Variants in WWOX observed in about 807,000 individuals in gnomAD.
The protein encoded by WWOX is WW domain-containing oxidoreductase.
In WWOX, 69 loss-of-function variants were observed where a neutral mutation model predicts 46.2. That is an observed-to-expected ratio of 1.49 (90% CI 1.23 to 1.82). WWOX has a LOEUF of 1.82. Ranked by LOEUF, WWOX falls within the 40% of genes most tolerant of loss-of-function variation. The probability of loss-of-function intolerance (pLI) is 0.00; values close to 1 mark genes in which losing one functional copy is unlikely to be tolerated. For synonymous variants in WWOX, 359 were observed against 202.6 expected (o/e 1.77, Z -6.56); for missense variants, 919 against 542.6 (o/e 1.69, Z -6.89).
intron 8 of WWOX, among the ~76,000 whole-genome samples, chr16:78,846,846 C>G (rs1409798075): frequency 6.6e-6 from 1 of 152,118 alleles, no homozygotes; most frequent in Non-Finnish European, 1.5e-5. Context: ...TTCTGTCATG[C>G]CTTCTATTTT....
intron 8 of WWOX, among the ~76,000 whole-genome samples, chr16:78,818,694 C>G (rs553509858): frequency 1.3e-5 from 2 of 152,336 alleles, no homozygotes; most frequent in Admixed American, 1.3e-4. Flanking sequence ...TGCCACAGGA[C>G]TATAGCCTGG....
At chr16:78,263,662 G>T (rs1351207824) in intron 5 of WWOX, among the ~76,000 whole-genome samples, 1 of 152,280 alleles carries the variant, frequency 6.6e-6, no homozygotes, top group East Asian at 1.9e-4. Context: ...AGTGCCACCA[G>T]TCCATTTTGT....
At chr16:79,170,455 C>G (rs772720887) in intron 8 of WWOX, among the ~76,000 whole-genome samples, 1 of 152,182 alleles carries the variant, frequency 6.6e-6, no homozygotes, top group Non-Finnish European at 1.5e-5. Context: ...GTTAAGACCA[C>G]TTAATGTTAT....
chr16:78,330,892 C>A (rs2080740888), intron 5 of WWOX, among the ~76,000 whole-genome samples: 1 of 152,178 alleles, frequency 6.6e-6, no homozygotes, highest in South Asian at 2.1e-4. Context: ...TATGCATGTT[C>A]TTATTTTCAA....
chr16:78,509,473 C>G (rs963346596), intron 8 of WWOX, among the ~76,000 whole-genome samples: 1 of 151,770 alleles, frequency 6.6e-6, no homozygotes, highest in African/African-American at 2.4e-5. Flanking sequence ...TAATAATAAT[C>G]GCACCTCAAT....
chr16:78,228,090 G>T (rs1341246428), intron 5 of WWOX, among the ~76,000 whole-genome samples: 1 of 152,074 alleles, frequency 6.6e-6, no homozygotes, highest in African/African-American at 2.4e-5. Flanking sequence ...AAGCTGGTTG[G>T]CTTTGTCACA....
intron 5 of WWOX, among the ~76,000 whole-genome samples, chr16:78,262,135 A>G (rs2151838169): frequency 6.8e-6 from 1 of 147,264 alleles, no homozygotes; most frequent in East Asian, 2.1e-4. Context: ...AAAGAGGGAA[A>G]TATACATCCT....
At chr16:78,863,066 C>T (rs1228170083) in intron 8 of WWOX, among the ~76,000 whole-genome samples, 2 of 150,010 alleles carry the variant, frequency 1.3e-5, no homozygotes, top group African/African-American at 4.9e-5. Context: ...TCAAGCGATT[C>T]TCCTGCCTCA....
At chr16:78,318,306 C>A in intron 5 of WWOX, among the ~76,000 whole-genome samples, 2 of 119,702 alleles carry the variant, frequency 1.7e-5, no homozygotes, top group East Asian at 2.6e-4. Context: ...TCTGTGTTTA[C>A]AGTTCTAGAA....
chr16:78,348,660 G>A (rs1261801202), intron 5 of WWOX, among the ~76,000 whole-genome samples: 1 of 119,116 alleles, frequency 8.4e-6, no homozygotes, highest in East Asian at 1.9e-4. Context: ...CTTTCCCCAT[G>A]TTGCCCAGGC....
chr16:79,014,075 A>G (rs925923763), intron 8 of WWOX, among the ~76,000 whole-genome samples: 6 of 152,336 alleles, frequency 3.9e-5, no homozygotes, highest in African/African-American at 7.2e-5. Context: ...GAACTGAGCA[A>G]TCGTCTGCAT....
intron 8 of WWOX, among the ~76,000 whole-genome samples, chr16:79,006,103 C>T (rs1369308933): frequency 6.6e-6 from 1 of 152,146 alleles, no homozygotes; most frequent in African/African-American, 2.4e-5. Context: ...GTCCCTGGTC[C>T]AGTGGGGTGA....
chr16:78,876,628 T>A (rs932256910), intron 8 of WWOX, among the ~76,000 whole-genome samples: 3 of 152,180 alleles, frequency 2.0e-5, no homozygotes, highest in African/African-American at 7.2e-5. Context: ...AGTACTGCTT[T>A]CTCTAGAGAT....
intron 8 of WWOX, among the ~76,000 whole-genome samples, chr16:78,597,761 T>C (rs1441908399): frequency 1.2e-4 from 2 of 16,468 alleles, no homozygotes; most frequent in Admixed American, 1.4e-3. Context: ...TTTATATGTG[T>C]ATATATATAT....
intron 8 of WWOX, among the ~76,000 whole-genome samples, chr16:78,726,629 C>T (rs1007312083): frequency 6.6e-6 from 1 of 151,954 alleles, no homozygotes; most frequent in Non-Finnish European, 1.5e-5. Context: ...TTTATTTGAG[C>T]AATTAATGGA....
chr16:78,543,024 G>C (rs772705426), intron 8 of WWOX, among the ~76,000 whole-genome samples: 27 of 152,174 alleles, frequency 1.8e-4, no homozygotes, highest in Admixed American at 4.6e-4. Context: ...TGTCCAGAAG[G>C]GGATGTGGTT....
intron 5 of WWOX, among the ~76,000 whole-genome samples, chr16:78,170,520 G>C (rs890570506): frequency 1.3e-5 from 2 of 152,332 alleles, no homozygotes; most frequent in African/African-American, 4.8e-5. Flanking sequence ...GGCTGAAAGA[G>C]GAGCTCTAGG....
At chr16:78,806,826 G>A (rs1239910833) in intron 8 of WWOX, among the ~76,000 whole-genome samples, 1 of 152,202 alleles carries the variant, frequency 6.6e-6, no homozygotes, top group East Asian at 1.9e-4. Flanking sequence ...TGGACATACT[G>A]CCATGGCCAC....
At chr16:78,924,624 TG>T (rs1304962525) in intron 8 of WWOX, among the ~76,000 whole-genome samples, 1 of 152,248 alleles carries the variant, frequency 6.6e-6, no homozygotes, top group East Asian at 1.9e-4. Context: ...TCCTTTTGAC[TG>T]TTTAGAAAGT....
Sources: gnomAD v4.1 joint callset for allele counts (sites outside exome capture counted in the v4.1 genomes callset) on GRCh38, gnomAD v4.1.1 for gene constraint, MANE v1.5 for transcripts, NCBI Gene and HGNC (gene_info 2026-07-23, HGNC 2026-07-21) for gene names.